The following CHCHD3 variants were observed in gnomAD, a reference collection of about 807,000 sequenced individuals.
The protein encoded by CHCHD3 is coiled-coil-helix-coiled-coil-helix domain containing 3, also known as MICOS complex subunit MIC19.
In CHCHD3, 20 loss-of-function variants were observed where a neutral mutation model predicts 38.2. That is an observed-to-expected ratio of 0.52 (90% CI 0.37 to 0.76). The LOEUF (loss-of-function observed/expected upper bound fraction) is 0.76, where lower values mean the gene tolerates loss of function less well. Ranked by LOEUF, CHCHD3 falls within the 30% of genes least tolerant of loss-of-function variation. The pLI, the probability that CHCHD3 is intolerant of heterozygous loss-of-function variation, is 0.00. For missense variants in CHCHD3, 245 were observed against 279.2 expected (o/e 0.88, Z 0.87); for synonymous variants, 82 against 100.0 (o/e 0.82, Z 1.07).
intron 4 of CHCHD3, among the ~76,000 whole-genome samples, chr7:132,886,537 A>G (rs1809219150): frequency 6.6e-6 from 1 of 151,738 alleles, no homozygotes; most frequent in Admixed American, 6.6e-5. Flanking sequence ...AGACTTTCCT[A>G]TATCACTCTG....
At position 133,031,499 on chromosome 7, in the gene CHCHD3, A is replaced by AT. The variant is rs141324619; in HGVS notation, c.170-6873dup. Among the ~76,000 whole-genome samples, 1,061 of 149,108 alleles carry AT rather than the reference A, an allele frequency of 7.1e-3. 14 individuals are homozygous for AT. The highest frequency in any genetic ancestry group is 0.028 in the South Asian group (131 of 4,696). On this transcript the variant is annotated intron_variant, in intron 2 of 7. Coordinates refer to ENST00000262570, the MANE Select transcript of CHCHD3 (RefSeq NM_017812.4). Reference sequence around the variant, plus strand: ...CCCACTTGTAATTCCCTTTTACTTCATTTTTTTTTTGCATAATCCTTACAC... The same window carrying AT: ...CCCACTTGTAATTCCCTTTTACTTCATTTTTTTTTTTGCATAATCCTTACAC...
rs544320117 is a variant in CHCHD3 at position 132,906,858 on chromosome 7, C to A, written c.370-21113G>T. Reference sequence around the variant, plus strand: ...TAATTGATCTACTATCCAAATAGCTCCTGTAACACTTTGGAGAACTTTGCA... The same window carrying A: ...TAATTGATCTACTATCCAAATAGCTACTGTAACACTTTGGAGAACTTTGCA... On this transcript the variant is annotated intron_variant, in intron 4 of 7. Transcript: ENST00000262570. Among the ~76,000 whole-genome samples the A allele has an allele frequency of 3.9e-5, 6 of 152,236 alleles. No homozygotes were observed. In the East Asian group the frequency reaches 1.2e-3, roughly 29 times the overall value.
At chr7:132,810,768 A>G (rs2117050823) in intron 6 of CHCHD3, among the ~76,000 whole-genome samples, 1 of 152,314 alleles carries the variant, frequency 6.6e-6, no homozygotes, top group Middle Eastern at 3.4e-3. Flanking sequence ...AAGGGTTCCA[A>G]TTCAGCAGTA....
chr7:132,984,261 C>T (rs994186422), intron 3 of CHCHD3, among the ~76,000 whole-genome samples: 5 of 151,644 alleles, frequency 3.3e-5, no homozygotes, highest in Middle Eastern at 3.4e-3. Context: ...GACGGGGTTT[C>T]GCTGTGTTGG....
chr7:132,914,189 C>T (rs1810043553), intron 4 of CHCHD3, among the ~76,000 whole-genome samples: 1 of 146,486 alleles, frequency 6.8e-6, no homozygotes, highest in East Asian at 2.0e-4. Context: ...GGGGTTTCAC[C>T]ATGTTGGCCA....
chr7:133,017,681 G>T (rs1030415936), intron 3 of CHCHD3, among the ~76,000 whole-genome samples: 2 of 152,188 alleles, frequency 1.3e-5, no homozygotes, highest in African/African-American at 4.8e-5. Flanking sequence ...TGGCACGCTT[G>T]ATTGACTCTG....
In CHCHD3 at chr7:133,035,668, G is replaced by A; in HGVS notation, c.170-11041C>T. 4 of 1,612,142 alleles carry A rather than the reference G, an allele frequency of 2.5e-6. No individual in the cohort carries two copies. The highest frequency in any genetic ancestry group is 3.4e-6 in the Non-Finnish European group (4 of 1,178,870). ...GCTGCTGCCTCTGGAGTACTTCCCC[G>A]CAGCTCCTCATTGCTCACATAGTAG... On this transcript the variant is annotated intron_variant, in intron 2 of 7. Transcript: ENST00000262570. This position sits in a 1 kb window ranked among gnomAD's most constrained non-coding sequence, Gnocchi z 4.7.
intron 3 of CHCHD3, among the ~76,000 whole-genome samples, chr7:132,988,299 A>ACC (rs1554398063): frequency 8.6e-6 from 1 of 115,642 alleles, no homozygotes; most frequent in Non-Finnish European, 2.1e-5. Context: ...ACACACACAC[A>ACC]CCCACACACA....
chr7:132,866,853 G>A (rs1164291465), intron 5 of CHCHD3, among the ~76,000 whole-genome samples: 1 of 152,168 alleles, frequency 6.6e-6, no homozygotes, highest in Admixed American at 6.6e-5. Context: ...TAAATGACAT[G>A]GAGCCAATGC....
intron 4 of CHCHD3, among the ~76,000 whole-genome samples, chr7:132,916,884 A>G (rs1014901272): frequency 3.9e-5 from 6 of 152,170 alleles, no homozygotes; most frequent in African/African-American, 1.4e-4. Context: ...CCTGGCTACT[A>G]TCCCTAATTT....
chr7:132,801,275 A>G (rs1057468689), intron 6 of CHCHD3, among the ~76,000 whole-genome samples: 1 of 152,184 alleles, frequency 6.6e-6, no homozygotes, highest in Admixed American at 6.5e-5. Flanking sequence ...TTGTTTTCAG[A>G]GTAAAATGTA....
intron 3 of CHCHD3, among the ~76,000 whole-genome samples, chr7:133,009,189 C>A (rs556460374): frequency 1.3e-5 from 2 of 151,670 alleles, no homozygotes; most frequent in African/African-American, 4.8e-5. Context: ...CATGTGACAC[C>A]CCATCTCTAT....
chr7:133,034,585 G>C, intron 2 of CHCHD3: 2 of 1,482,876 alleles, frequency 1.3e-6, no homozygotes, highest in Non-Finnish European at 9.1e-7. Flanking sequence ...GGTGCAGGCA[G>C]CTAGGTGATG....
rs148893992 is a variant in CHCHD3, at chr7:132,974,642, G to A, written c.369+527C>T. ...TGTAATCCCAGCAGTTTGGGAAGCC[G>A]AGGCGGGTGGATCACATGGTCAGGA... On this transcript the variant is annotated intron_variant, in intron 4 of 7. Coordinates refer to ENST00000262570, the MANE Select transcript of CHCHD3 (RefSeq NM_017812.4). Among the ~76,000 whole-genome samples the A allele has an allele frequency of 1.0e-3, 153 of 152,274 alleles. No individual in the cohort carries two copies. In the Middle Eastern group the frequency reaches 0.031, roughly 30 times the overall value.
chr7:133,020,674 A>C lies in CHCHD3; in HGVS notation c.251+3872T>G, dbSNP rs1813153818. ...CTGCTGCTGTTGTCATTGCTTGCACAGAAGCATCAAAATTTGCAGAACTGC... is the reference window on the plus strand; with the variant it reads ...CTGCTGCTGTTGTCATTGCTTGCACCGAAGCATCAAAATTTGCAGAACTGC... On this transcript the variant is annotated intron_variant, in intron 3 of 7. Transcript: ENST00000262570. Among the ~76,000 whole-genome samples the C allele has an allele frequency of 2.6e-5, 4 of 152,228 alleles. No homozygotes were observed. The South Asian group carries it at 8.3e-4, about 32-fold the overall frequency.
chr7:133,034,247 A>T (rs1813582972), intron 2 of CHCHD3, among the ~76,000 whole-genome samples: 1 of 152,210 alleles, frequency 6.6e-6, no homozygotes, highest in Admixed American at 6.5e-5. Context: ...AAGAAAAAGG[A>T]TTTAAAGCTA....
chr7:133,039,945 T>A (rs1455216591), intron 2 of CHCHD3, among the ~76,000 whole-genome samples: 1 of 152,134 alleles, frequency 6.6e-6, no homozygotes, highest in Non-Finnish European at 1.5e-5. Context: ...AAAGACTGGG[T>A]CCCAACATTA....
At chr7:132,993,004 T>G (rs1812323212) in intron 3 of CHCHD3, among the ~76,000 whole-genome samples, 1 of 152,200 alleles carries the variant, frequency 6.6e-6, no homozygotes, top group Non-Finnish European at 1.5e-5. Flanking sequence ...CTTGCAGTCC[T>G]TTTAGGTGTC....
At chr7:132,823,073 A>G (rs980414477) in intron 6 of CHCHD3, among the ~76,000 whole-genome samples, 9 of 152,252 alleles carry the variant, frequency 5.9e-5, no homozygotes, top group Non-Finnish European at 1.3e-4. Context: ...GTTTATTAAC[A>G]TATCTACTCA....
Sources: gnomAD v4.1 joint callset for allele counts (sites outside exome capture counted in the v4.1 genomes callset) on GRCh38, gnomAD v4.1.1 for gene constraint, Gnocchi (gnomAD v3.1) non-coding constraint, MANE v1.5 for transcripts, NCBI Gene and HGNC (gene_info 2026-07-23, HGNC 2026-07-21) for gene names.